Variants in HHLA2 observed in about 807,000 individuals in gnomAD.
HHLA2 encodes the protein HHLA2 member of B7 family, also known as HERV-H LTR-associating protein 2.
HHLA2 carries 48 observed loss-of-function variants against 45.9 expected under a neutral mutation model. The observed-to-expected ratio is 1.05, with a 90% CI of 0.83 to 1.33. The LOEUF (loss-of-function observed/expected upper bound fraction) is 1.33, where lower values mean the gene tolerates loss of function less well. HHLA2 is among the 40% of genes most tolerant of loss of function. The pLI, the probability that HHLA2 is intolerant of heterozygous loss-of-function variation, is 0.00. For missense variants in HHLA2, 462 were observed against 494.3 expected, an observed-to-expected ratio of 0.93 and a Z score of 0.62; for synonymous variants, 161 against 173.9, an observed-to-expected ratio of 0.93 and a Z score of 0.59.
chr3:108,307,047 G>T (rs1013844319), intron 1 of HHLA2, among the ~76,000 whole-genome samples: 3 of 151,994 alleles, frequency 2.0e-5, no homozygotes, highest in Admixed American at 6.6e-5. Context: ...GTAAAGACAG[G>T]GTTTCACCAC....
rs931575457 is a variant in HHLA2 at position 108,374,343 on chromosome 3, G to T, written c.1109-1407G>T. On this transcript the variant is annotated intron_variant, in intron 8 of 10. Transcript: ENST00000619531. ...AAAAATTAATTCAAGATGGATTAAA[G>T]ATTTACATGTTTGACCTAAAACCGT... Among the ~76,000 whole-genome samples, 258 of 152,166 alleles carry T rather than the reference G, an allele frequency of 1.7e-3. 2 individuals carry two copies. The highest frequency in any genetic ancestry group is 5.9e-3 in the African/African-American group (246 of 41,518).
intron 4 of HHLA2, among the ~76,000 whole-genome samples, chr3:108,352,145 A>ATTT (rs10718672): frequency 1.5e-4 from 22 of 150,446 alleles, no homozygotes; most frequent in African/African-American, 4.9e-4. Context: ...TGATTGATTG[A>ATTT]TTTTTTTTTT....
At chr3:108,361,523 C>T (rs927980667) in intron 7 of HHLA2, among the ~76,000 whole-genome samples, 19 of 151,996 alleles carry the variant, frequency 1.3e-4, no homozygotes, top group African/African-American at 1.9e-4. Context: ...AAAAAGAAGC[C>T]GTGAAGTGCT....
At chr3:108,317,667 T>G (rs1231223792) in intron 2 of HHLA2, among the ~76,000 whole-genome samples, 2 of 150,944 alleles carry the variant, frequency 1.3e-5, no homozygotes, top group East Asian at 4.0e-4. Context: ...CTCTGCCTCC[T>G]AGGTTCAAGC....
intron 8 of HHLA2, among the ~76,000 whole-genome samples, chr3:108,374,810 C>A (rs1473673022): frequency 1.2e-4 from 16 of 135,722 alleles, no homozygotes; most frequent in African/African-American, 1.9e-4. Flanking sequence ...GAATGGCGAT[C>A]ATTAAAAAGT....
At chr3:108,329,288 C>G (rs12633329) in intron 3 of HHLA2, among the ~76,000 whole-genome samples, 10,013 of 152,054 alleles carry the variant, frequency 0.066, 1,114 homozygotes, top group East Asian at 0.49. Context: ...CCAACATGGC[C>G]TTGGAGGAAA....
At chr3:108,318,077 A>T (rs2081134433) in intron 2 of HHLA2, among the ~76,000 whole-genome samples, 1 of 151,526 alleles carries the variant, frequency 6.6e-6, no homozygotes, top group Admixed American at 6.6e-5. Flanking sequence ...GCTACTCAGG[A>T]GGCTGAGGCA....
intron 3 of HHLA2, among the ~76,000 whole-genome samples, chr3:108,344,082 T>C (rs2081621655): frequency 6.6e-6 from 1 of 152,190 alleles, no homozygotes; most frequent in South Asian, 2.1e-4. Context: ...GAAAAAGTTA[T>C]TCAAATTATA....
chr3:108,322,683 T>C (rs914468386), intron 2 of HHLA2, among the ~76,000 whole-genome samples: 3 of 152,204 alleles, frequency 2.0e-5, no homozygotes, highest in African/African-American at 7.2e-5. Context: ...CATTCCAGAC[T>C]AGCCTGGGTG....
At chr3:108,350,316 T>G (rs2081753666) in intron 3 of HHLA2, among the ~76,000 whole-genome samples, 1 of 152,186 alleles carries the variant, frequency 6.6e-6, no homozygotes, top group African/African-American at 2.4e-5. Context: ...TTTCTATATT[T>G]TGTTGCTTTT....
At chr3:108,310,366 A>C (rs2080999391) in intron 1 of HHLA2, among the ~76,000 whole-genome samples, 1 of 152,172 alleles carries the variant, frequency 6.6e-6, no homozygotes, top group Admixed American at 6.5e-5. Flanking sequence ...AATACCTGTT[A>C]ATATATTTGT....
intron 7 of HHLA2, among the ~76,000 whole-genome samples, chr3:108,359,758 CTACT>C (rs2081957083): frequency 6.6e-6 from 1 of 152,142 alleles, no homozygotes; most frequent in Admixed American, 6.5e-5. Flanking sequence ...CCTAACATTC[CTACT>C]TAATCTCTCC....
chr3:108,353,794 T>C lies in HHLA2; in HGVS notation c.418+14T>C. 1 of 1,570,240 alleles carries C rather than the reference T, an allele frequency of 6.4e-7. No homozygotes were observed. The highest frequency in any genetic ancestry group is 8.7e-7 in the Non-Finnish European group (1 of 1,152,048). ...TAAAGGTGGGAGGTAAGTGTGCATG[T>C]AAAGTTTCATGAAACAGCAATGACA... On this transcript the variant is annotated intron_variant, in intron 5 of 10. Coordinates refer to ENST00000619531, the Ensembl canonical transcript of HHLA2.
intron 1 of HHLA2, among the ~76,000 whole-genome samples, chr3:108,309,050 G>A (rs1440659550): frequency 1.3e-5 from 2 of 152,284 alleles, no homozygotes; most frequent in East Asian, 1.9e-4. Context: ...TTGGTTGCCT[G>A]TGCTTGTGGG....
intron 8 of HHLA2, among the ~76,000 whole-genome samples, chr3:108,369,833 G>A (rs1256696122): frequency 6.6e-6 from 1 of 152,218 alleles, no homozygotes; most frequent in African/African-American, 2.4e-5. Context: ...ACTGGGTGGA[G>A]CCCATCACAG....
Position 108,317,278 on chromosome 3 carries a change from T to G in HHLA2, c.-105+6537T>G, listed in dbSNP as rs891165567. On this transcript the variant is annotated intron_variant, in intron 2 of 10. Transcript: ENST00000619531. ...ATATACGGTGTGCAACTAGGATCTC[T>G]GTGACATTTCTAACCAGGATTTTTT... Among the ~76,000 whole-genome samples, 87 of 152,368 alleles carry G rather than the reference T, an allele frequency of 5.7e-4. 1 individual carries two copies. The highest frequency in any genetic ancestry group is 2.0e-3 in the African/African-American group (83 of 41,586).
At position 108,305,713 on chromosome 3, in the gene HHLA2, T is replaced by C. The variant is rs116600274; in HGVS notation, c.-191-4942T>C. 7.5e-3 allele frequency among the ~76,000 whole-genome samples: 1,141 copies of C among 152,212 alleles called. 14 individuals carry two copies. The highest frequency in any genetic ancestry group is 0.026 in the African/African-American group (1,080 of 41,546). ...GCTTGGCACTCTCAGGGCAAATGAC[T>C]CAACAGAGCCTCACAGTGACAGTTA... On this transcript the variant is annotated intron_variant, in intron 1 of 10. Transcript: ENST00000619531.
intron 3 of HHLA2, among the ~76,000 whole-genome samples, chr3:108,337,918 G>T (rs1042976196): frequency 6.6e-5 from 10 of 151,998 alleles, no homozygotes; most frequent in Non-Finnish European, 1.3e-4. Flanking sequence ...GATACAAAAG[G>T]TCTTGCAATT....
At chr3:108,368,535 CAAAAAAAAAAAAAA>C (rs55718572) in intron 8 of HHLA2, among the ~76,000 whole-genome samples, 13 of 6,612 alleles carry the variant, frequency 2.0e-3, no homozygotes, top group South Asian at 9.8e-3. Context: ...AAACGAAGAG[CAAAAAAAAAAAAAA>C]AAAAAAAAAA....
Sources: gnomAD v4.1 joint callset for allele counts (sites outside exome capture counted in the v4.1 genomes callset) on GRCh38, gnomAD v4.1.1 for gene constraint, MANE v1.5 for transcripts, NCBI Gene and HGNC (gene_info 2026-07-23, HGNC 2026-07-21) for gene names.